The following BRAF variants were observed in gnomAD, a reference collection of about 807,000 sequenced individuals.
The protein encoded by BRAF is B-Raf proto-oncogene, serine/threonine kinase, also known as serine/threonine-protein kinase B-raf.
BRAF carries 16 observed loss-of-function variants against 104.6 expected under a neutral mutation model. That is an observed-to-expected ratio of 0.15 (90% confidence interval 0.10 to 0.23). The LOEUF (loss-of-function observed/expected upper bound fraction) is 0.23. Among genes scored for constraint, BRAF ranks in the 10% least tolerant of loss-of-function variants. BRAF has a pLI of 1.00. For missense variants in BRAF, 541 were observed against 937.3 expected (o/e 0.58, Z 5.52); for synonymous variants, 310 against 341.6 (o/e 0.91, Z 1.02).
intron 1 of BRAF, among the ~76,000 whole-genome samples, chr7:140,861,161 G>T (rs966388385): frequency 6.6e-6 from 1 of 152,136 alleles, no homozygotes; most frequent in Admixed American, 6.5e-5. Flanking sequence ...TTTGCAAACC[G>T]TGGAGATGTA....
chr7:140,769,699 A>AT (rs1357407551), intron 14 of BRAF, among the ~76,000 whole-genome samples: 1 of 152,000 alleles, frequency 6.6e-6, no homozygotes, highest in African/African-American at 2.4e-5. Flanking sequence ...CATGTTTCCA[A>AT]TTTTTCAATA....
At chr7:140,873,144 G>C (rs1811803944) in intron 1 of BRAF, among the ~76,000 whole-genome samples, 1 of 144,354 alleles carries the variant, frequency 6.9e-6, no homozygotes, top group African/African-American at 2.5e-5. Flanking sequence ...CTGAACCTGA[G>C]TAAGAACATC....
chr7:140,726,490 G>A lies in BRAF; in HGVS notation c.*4C>T. 6.5e-7 allele frequency: 1 copy of A among 1,536,452 alleles called. No individual in the cohort carries two copies. Among genetic ancestry groups the A allele is most frequent in the Non-Finnish European group, 8.7e-7 (1 of 1,146,988 alleles). On this transcript the variant is annotated 3_prime_UTR_variant, in exon 20 of 20. Transcript: ENST00000644969. Reference sequence around the variant, plus strand: ...AATAAGAGCAGATGCTGCCATGATGGTGGCTACTTGAAGGCTGCAAATTCT... The same window carrying A: ...AATAAGAGCAGATGCTGCCATGATGATGGCTACTTGAAGGCTGCAAATTCT...
chr7:140,872,164 G>C (rs944790236), intron 1 of BRAF, among the ~76,000 whole-genome samples: 1 of 151,902 alleles, frequency 6.6e-6, no homozygotes, highest in African/African-American at 2.4e-5. Context: ...GCAGTGAGCC[G>C]AGATCGCACC....
At chr7:140,820,304 T>A (rs1805339412) in intron 3 of BRAF, among the ~76,000 whole-genome samples, 1 of 152,208 alleles carries the variant, frequency 6.6e-6, no homozygotes, top group African/African-American at 2.4e-5. Flanking sequence ...TATCGCAAAG[T>A]TTTCAGTGTG....
At chr7:140,895,805 AC>A (rs1254110540) in intron 1 of BRAF, among the ~76,000 whole-genome samples, 1 of 152,194 alleles carries the variant, frequency 6.6e-6, no homozygotes, top group East Asian at 1.9e-4. Flanking sequence ...CTATACAACC[AC>A]ATTGTCTTTA....
rs1383398947 is a variant in BRAF, at chr7:140,760,183, T to G, written c.1815-5950A>C. 2.6e-5 allele frequency among the ~76,000 whole-genome samples: 4 copies of G among 152,250 alleles called. No individual in the cohort carries two copies. In the East Asian group the frequency reaches 7.7e-4, roughly 29 times the overall value. On this transcript the variant is annotated intron_variant, in intron 14 of 19. Transcript: ENST00000644969. ...ATTCCAGCACTTTGGGATGCCGAGA[T>G]GGGCAGACCACTTGAGGTCAGGAGT...
intron 1 of BRAF, among the ~76,000 whole-genome samples, chr7:140,877,887 CAT>C (rs1276011138): frequency 6.6e-6 from 1 of 152,062 alleles, no homozygotes; most frequent in African/African-American, 2.4e-5. Flanking sequence ...AAATTAAACT[CAT>C]AGTTAAAAAC....
intron 1 of BRAF, among the ~76,000 whole-genome samples, chr7:140,875,357 G>A (rs1812109277): frequency 6.6e-6 from 1 of 152,262 alleles, no homozygotes; most frequent in African/African-American, 2.4e-5. Context: ...ATCATAAAGT[G>A]TTGAAAATGA....
chr7:140,800,306 T>A, intron 7 of BRAF, 56 bp downstream of exon 7: 1 of 1,612,528 alleles, frequency 6.2e-7, no homozygotes, highest in Non-Finnish European at 8.5e-7. Flanking sequence ...AACCAGGAGA[T>A]CCAAAAGAAA....
intron 3 of BRAF, among the ~76,000 whole-genome samples, chr7:140,817,879 T>C (rs1279654401): frequency 6.6e-6 from 1 of 152,234 alleles, no homozygotes; most frequent in Non-Finnish European, 1.5e-5. Flanking sequence ...AACTGTGGTA[T>C]ATTAAGAAGC....
chr7:140,838,338 C>T (rs1459789124), intron 2 of BRAF, among the ~76,000 whole-genome samples: 1 of 152,064 alleles, frequency 6.6e-6, no homozygotes, highest in African/African-American at 2.4e-5. Flanking sequence ...ACAAGTAAAA[C>T]AAATTATTGT....
At position 140,750,309 on chromosome 7, in the gene BRAF, G is replaced by T; in HGVS notation, c.1981-891C>A. On this transcript the variant is annotated intron_variant, in intron 16 of 19. Coordinates refer to ENST00000644969, the MANE Select transcript of BRAF (RefSeq NM_001374258.1). ...CTGCAAAAATGACTGAAAGACCTGG[G>T]ACAAGATTCCTGGTTATTGCTCTGG... Among the ~76,000 whole-genome samples, 2 of 152,158 alleles carry T rather than the reference G, an allele frequency of 1.3e-5. 1 individual carries two copies. Among genetic ancestry groups the T allele is most frequent in the Non-Finnish European group, 2.9e-5 (2 of 68,018 alleles).
Position 140,720,884 on chromosome 7 carries a change from G to A in BRAF, c.*5610C>T, listed in dbSNP as rs1032947685. On this transcript the variant is annotated 3_prime_UTR_variant, in exon 20 of 20. Coordinates refer to ENST00000644969, the MANE Select transcript of BRAF (RefSeq NM_001374258.1). Reference sequence around the variant, plus strand: ...CCACCCGTCAACAGACCCTTCCTTTGCGGCATCTCTTCACAAATTTTCTGC... The same window carrying A: ...CCACCCGTCAACAGACCCTTCCTTTACGGCATCTCTTCACAAATTTTCTGC... 1.9e-6 allele frequency: 2 copies of A among 1,066,106 alleles called. No individual in the cohort carries two copies. The highest frequency in any genetic ancestry group is 3.3e-5 in the African/African-American group (2 of 61,238). 66.0% of individuals were successfully genotyped at this position (1,066,106 alleles called of 1,614,324 possible). A position where few individuals can be genotyped will look rare whatever the true frequency, so the allele number is the denominator to read the frequency against.
intron 1 of BRAF, among the ~76,000 whole-genome samples, chr7:140,914,445 G>A (rs890076371): frequency 5.3e-5 from 8 of 152,154 alleles, no homozygotes; most frequent in Non-Finnish European, 7.3e-5. Flanking sequence ...AAAAACTAAA[G>A]GGAGATGAAC....
chr7:140,882,301 T>C (rs767971255), intron 1 of BRAF, among the ~76,000 whole-genome samples: 5 of 152,246 alleles, frequency 3.3e-5, no homozygotes, highest in South Asian at 2.1e-4. Flanking sequence ...TGTGTCACTT[T>C]AGCCAACTTT....
rs774138098 is a variant in BRAF at position 140,734,787 on chromosome 7, AAAAAAAAAAG to A, written c.2248-27_2248-18del. 5.9e-3 allele frequency: 8,326 copies of A among 1,419,482 alleles called. 54 individuals are homozygous for A. Among genetic ancestry groups the A allele is most frequent in the Admixed American group, 9.0e-3 (313 of 34,850 alleles). 87.9% of individuals were successfully genotyped at this position (1,419,482 alleles called of 1,614,324 possible). A position where few individuals can be genotyped will look rare whatever the true frequency, so the allele number is the denominator to read the frequency against. On this transcript the variant is annotated intron_variant, in intron 18 of 19. Coordinates refer to ENST00000644969, the MANE Select transcript of BRAF (RefSeq NM_001374258.1). ...GGCGAGAATCTACAAAAAAAAAAAG[AAAAAAAAAAG>A]AAAAAAAAAGAAAAAAGAAAAAAAA...
intron 2 of BRAF, 68 bp from the exon 3 acceptor site, chr7:140,834,940 AT>A: frequency 6.3e-7 from 1 of 1,578,984 alleles, no homozygotes; most frequent in Non-Finnish European, 8.7e-7. Context: ...AGAATATAAA[AT>A]TTTAGCCTTT....
Position 140,747,680 on chromosome 7 carries a change from T to C in BRAF, c.2112+1607A>G, listed in dbSNP as rs575151936. Among the ~76,000 whole-genome samples, 6 of 152,294 alleles carry C rather than the reference T, an allele frequency of 3.9e-5. No homozygotes were observed. The South Asian group carries it at 1.2e-3, about 32-fold the overall frequency. ...CCATAATTCCTCCAGAAAAATATTATATACAGGAAAAGTGAACATGGTACA... is the reference window on the plus strand; with the variant it reads ...CCATAATTCCTCCAGAAAAATATTACATACAGGAAAAGTGAACATGGTACA... On this transcript the variant is annotated intron_variant, in intron 17 of 19. Coordinates refer to ENST00000644969, the MANE Select transcript of BRAF (RefSeq NM_001374258.1).
Sources: allele counts gnomAD v4.1 joint callset (sites outside exome capture counted in the v4.1 genomes callset), GRCh38; gene constraint gnomAD v4.1.1; transcripts MANE v1.5; gene names NCBI Gene and HGNC (gene_info 2026-07-23, HGNC 2026-07-21).